TMEM132D: variants seen among roughly 807,000 people sequenced by gnomAD.
TMEM132D encodes the protein transmembrane protein 132D.
Under a neutral mutation model 62.3 loss-of-function variants are expected in TMEM132D, and 21 were observed. The observed-to-expected ratio is 0.34, with a 90% confidence interval of 0.24 to 0.49. TMEM132D has a LOEUF of 0.49. Ranked by LOEUF, TMEM132D falls within the 20% of genes least tolerant of loss-of-function variation. TMEM132D has a pLI of 0.99. For synonymous variants in TMEM132D, 621 were observed against 575.6 expected (o/e 1.08, Z -1.13); for missense variants, 1,346 against 1,402.8 (o/e 0.96, Z 0.65).
At chr12:129,456,135 C>T (rs1873457436) in intron 3 of TMEM132D, among the ~76,000 whole-genome samples, 1 of 152,160 alleles carries the variant, frequency 6.6e-6, no homozygotes, top group Non-Finnish European at 1.5e-5. Context: ...CTGTTTTAGA[C>T]TTTGGTTTTG....
At chr12:129,718,071 C>A (rs891632423) in intron 1 of TMEM132D, among the ~76,000 whole-genome samples, 1 of 152,228 alleles carries the variant, frequency 6.6e-6, no homozygotes, top group African/African-American at 2.4e-5. Context: ...CCTGCTAGGG[C>A]CCCTGAGCAG....
At chr12:129,143,677 C>T (rs192124363) in intron 5 of TMEM132D, among the ~76,000 whole-genome samples, 2 of 152,278 alleles carry the variant, frequency 1.3e-5, no homozygotes, top group East Asian at 3.9e-4. Flanking sequence ...GTATGGGAAA[C>T]TGAAGAGGAG....
chr12:129,720,935 G>C (rs1223128002), intron 1 of TMEM132D, among the ~76,000 whole-genome samples: 2 of 152,224 alleles, frequency 1.3e-5, no homozygotes. Flanking sequence ...TCTACACCAT[G>C]GGCACTGCCC....
At chr12:129,534,352 G>A (rs1876318448) in intron 2 of TMEM132D, among the ~76,000 whole-genome samples, 1 of 152,046 alleles carries the variant, frequency 6.6e-6, no homozygotes, top group Admixed American at 6.6e-5. Context: ...AACAAAACCT[G>A]CCTGGGGTTA....
chr12:129,421,125 C>T (rs1431179431), intron 3 of TMEM132D, among the ~76,000 whole-genome samples: 4 of 151,584 alleles, frequency 2.6e-5, no homozygotes, highest in Admixed American at 2.0e-4. Context: ...TCACACCCAG[C>T]GAATTTTCAT....
chr12:129,661,086 C>T (rs1365865264), intron 2 of TMEM132D, among the ~76,000 whole-genome samples: 4 of 152,184 alleles, frequency 2.6e-5, no homozygotes, highest in African/African-American at 9.6e-5. Context: ...GGAGGGAAAA[C>T]GTCACTTCTA....
chr12:129,175,191 G>C (rs1035603454), intron 5 of TMEM132D, among the ~76,000 whole-genome samples: 13 of 141,532 alleles, frequency 9.2e-5, no homozygotes, highest in African/African-American at 3.4e-4. Flanking sequence ...TTTCTTCTAG[G>C]GTTTTTATGG....
At chr12:129,313,748 A>G (rs140824702) in intron 4 of TMEM132D, among the ~76,000 whole-genome samples, 2,003 of 152,264 alleles carry the variant, frequency 0.013, 22 homozygotes, top group Non-Finnish European at 0.021. Flanking sequence ...GCTGGAACAA[A>G]TGGTAGCTCT....
chr12:129,861,950 G>T (rs892812563), intron 1 of TMEM132D, among the ~76,000 whole-genome samples: 1 of 151,726 alleles, frequency 6.6e-6, no homozygotes, highest in South Asian at 2.1e-4. Context: ...AACTGCTCCT[G>T]TAGCCACACC....
At chr12:129,841,549 G>A (rs1377801329) in intron 1 of TMEM132D, among the ~76,000 whole-genome samples, 2 of 152,144 alleles carry the variant, frequency 1.3e-5, no homozygotes, top group Non-Finnish European at 2.9e-5. Context: ...CTCTGTAATA[G>A]TAATGAGGTG....
At chr12:129,498,271 T>C (rs916256202) in intron 3 of TMEM132D, among the ~76,000 whole-genome samples, 1 of 151,952 alleles carries the variant, frequency 6.6e-6, no homozygotes, top group African/African-American at 2.4e-5. Context: ...TGTTTGTTTT[T>C]GAGATGGAGT....
intron 1 of TMEM132D, among the ~76,000 whole-genome samples, chr12:129,899,287 G>C (rs1392214005): frequency 8.2e-6 from 1 of 122,688 alleles, no homozygotes; most frequent in African/African-American, 3.1e-5. Context: ...ATGCATGGAT[G>C]GATGGATGGA....
At chr12:129,602,822 G>A (rs1282059902) in intron 2 of TMEM132D, among the ~76,000 whole-genome samples, 1 of 152,166 alleles carries the variant, frequency 6.6e-6, no homozygotes, top group African/African-American at 2.4e-5. Flanking sequence ...AAGTACAGAG[G>A]TTCAATTGAT....
intron 1 of TMEM132D, among the ~76,000 whole-genome samples, chr12:129,703,769 G>C (rs746453227): frequency 9.2e-5 from 14 of 152,078 alleles, no homozygotes; most frequent in Non-Finnish European, 1.8e-4. Flanking sequence ...TGGTCTGGGA[G>C]AGATTTTGTA....
chr12:129,426,059 G>A (rs1235475101), intron 3 of TMEM132D, among the ~76,000 whole-genome samples: 2 of 152,210 alleles, frequency 1.3e-5, no homozygotes, highest in Non-Finnish European at 2.9e-5. Flanking sequence ...CAGCTGCACT[G>A]AAGATCGCTA....
intron 5 of TMEM132D, among the ~76,000 whole-genome samples, chr12:129,122,063 T>C (rs987594034): frequency 6.6e-6 from 1 of 152,218 alleles, no homozygotes; most frequent in African/African-American, 2.4e-5. Context: ...CTCATCTCCA[T>C]GGCTTCCACC....
intron 2 of TMEM132D, among the ~76,000 whole-genome samples, chr12:129,637,827 G>A (rs565771094): frequency 3.9e-5 from 6 of 152,122 alleles, no homozygotes; most frequent in East Asian, 1.9e-4. Flanking sequence ...GGCAGGGGGC[G>A]GAGGTGCCAC....
chr12:129,685,991 T>G (rs1459346026), intron 2 of TMEM132D, among the ~76,000 whole-genome samples: 4 of 152,204 alleles, frequency 2.6e-5, no homozygotes, highest in Admixed American at 2.0e-4. Context: ...TGCCGGTACC[T>G]CCATTGTATC....
At chr12:129,675,469 A>G (rs1386627841) in intron 2 of TMEM132D, among the ~76,000 whole-genome samples, 4 of 152,182 alleles carry the variant, frequency 2.6e-5, no homozygotes, top group African/African-American at 9.7e-5. Flanking sequence ...GCAGCAAACC[A>G]CCAAGGCACA....
Sources: allele counts gnomAD v4.1 joint callset (sites outside exome capture counted in the v4.1 genomes callset), GRCh38; gene constraint gnomAD v4.1.1; transcripts MANE v1.5; gene names NCBI Gene and HGNC (gene_info 2026-07-23, HGNC 2026-07-21).